The following MCMBP variants were observed in gnomAD, a reference collection of about 807,000 sequenced individuals.
MCMBP encodes the protein mini-chromosome maintenance complex-binding protein.
Under a neutral mutation model 81.3 loss-of-function variants are expected in MCMBP, and 31 were observed. That is an observed-to-expected ratio of 0.38 (90% CI 0.29 to 0.51). MCMBP has a LOEUF of 0.51. MCMBP is among the 20% of genes least tolerant of loss of function. The pLI, the probability that MCMBP is intolerant of heterozygous loss-of-function variation, is 0.87. For synonymous variants in MCMBP, 267 were observed against 275.9 expected (o/e 0.97, Z 0.32); for missense variants, 645 against 772.1 (o/e 0.84, Z 1.95).
intron 1 of MCMBP, among the ~76,000 whole-genome samples, chr10:119,861,805 A>G (rs192287613): frequency 5.2e-4 from 79 of 152,196 alleles, no homozygotes; most frequent in Non-Finnish European, 8.4e-4. Context: ...CAGTGGTGTG[A>G]TCCTGGCTCA....
chr10:119,850,368 T>C (rs578002308), intron 6 of MCMBP, among the ~76,000 whole-genome samples: 2 of 152,194 alleles, frequency 1.3e-5, no homozygotes, highest in Admixed American at 1.3e-4. Context: ...GTTAGGAGCA[T>C]AAAAGGGCAA....
At chr10:119,857,259 A>C in intron 5 of MCMBP, 79 bp downstream of exon 5, 1 of 1,032,980 alleles carries the variant, frequency 9.7e-7, no homozygotes, top group Non-Finnish European at 1.4e-6. Context: ...AATAAAGCCA[A>C]GCTTTGCAAA....
intron 1 of MCMBP, among the ~76,000 whole-genome samples, chr10:119,872,199 G>C (rs949912901): frequency 1.3e-5 from 2 of 152,132 alleles, no homozygotes; most frequent in African/African-American, 4.8e-5. Context: ...CTGCGCCCGG[G>C]GCCGGGGCCC....
chr10:119,843,941 C>A (rs778509812), intron 8 of MCMBP, among the ~76,000 whole-genome samples: 4 of 152,012 alleles, frequency 2.6e-5, no homozygotes, highest in Non-Finnish European at 5.9e-5. Context: ...GGATTACAGG[C>A]GTGAGCCACC....
chr10:119,846,549 T>C (rs1273698139), intron 8 of MCMBP, among the ~76,000 whole-genome samples: 3 of 152,152 alleles, frequency 2.0e-5, no homozygotes, highest in African/African-American at 7.2e-5. Flanking sequence ...AAGTGAGAAA[T>C]GTAACTTTAC....
chr10:119,851,648 G>C (rs1852828323), intron 6 of MCMBP, among the ~76,000 whole-genome samples: 1 of 152,120 alleles, frequency 6.6e-6, no homozygotes, highest in Admixed American at 6.5e-5. Flanking sequence ...GTCCAGGCTA[G>C]ATGATAGACC....
rs147210103 is a variant in MCMBP, at chr10:119,861,622, A to G, written c.59-1738T>C. 2.4e-3 allele frequency among the ~76,000 whole-genome samples: 362 copies of G among 152,318 alleles called. 1 individual carries two copies. The highest frequency in any genetic ancestry group is 7.9e-3 in the African/African-American group (329 of 41,582). On this transcript the variant is annotated intron_variant, in intron 1 of 15. Transcript: ENST00000369077. ...CACAGCCACGACTGCCACACCAACT[A>G]TTCTGCCTGCAATTGTGTAAAAGAC...
At chr10:119,832,283 G>C (rs1011421724) in intron 14 of MCMBP, among the ~76,000 whole-genome samples, 183 bp from the exon 15 acceptor site, 6 of 152,088 alleles carry the variant, frequency 3.9e-5, no homozygotes, top group Non-Finnish European at 8.8e-5. Flanking sequence ...ATGAAACTCA[G>C]ATTCATTTAA....
intron 8 of MCMBP, 60 bp from the exon 9 acceptor site, chr10:119,843,486 A>G: frequency 6.6e-7 from 1 of 1,519,224 alleles, no homozygotes; most frequent in Non-Finnish European, 9.0e-7. Context: ...ATGCAAAAAT[A>G]ATGTGCATCT....
intron 6 of MCMBP, 42 bp downstream of exon 6, chr10:119,853,007 GT>G (rs1564880557): frequency 6.2e-7 from 1 of 1,608,750 alleles, no homozygotes; most frequent in Non-Finnish European, 8.5e-7. Context: ...CCAATCTACT[GT>G]AAGAGAGCAA....
At chr10:119,831,974 G>A (rs977118037) in intron 15 of MCMBP, 38 bp downstream of exon 15, 3 of 1,563,480 alleles carry the variant, frequency 1.9e-6, no homozygotes, top group Admixed American at 1.9e-5. Flanking sequence ...ATATACACAA[G>A]CTTACCGAAA....
chr10:119,853,408 C>T (rs890661383), intron 5 of MCMBP, among the ~76,000 whole-genome samples: 1 of 152,142 alleles, frequency 6.6e-6, no homozygotes, highest in Non-Finnish European at 1.5e-5. Flanking sequence ...TGTAACTGGA[C>T]AAAATATGTG....
chr10:119,838,775 C>T, intron 11 of MCMBP, 75 bp from the exon 12 acceptor site: 2 of 1,295,676 alleles, frequency 1.5e-6, no homozygotes, highest in Admixed American at 4.4e-5. Context: ...TGGAATTAAA[C>T]ATTGTGTTTC....
At chr10:119,860,600 G>A (rs528334865) in intron 1 of MCMBP, among the ~76,000 whole-genome samples, 4 of 151,910 alleles carry the variant, frequency 2.6e-5, no homozygotes, top group South Asian at 2.1e-4. Flanking sequence ...ACTTTTTTCC[G>A]TTCAGTTACA....
chr10:119,866,551 G>A (rs1309024870), intron 1 of MCMBP, among the ~76,000 whole-genome samples: 4 of 152,036 alleles, frequency 2.6e-5, no homozygotes, highest in South Asian at 2.1e-4. Flanking sequence ...GCTTGAACCC[G>A]GTAAGCAGAG....
intron 1 of MCMBP, among the ~76,000 whole-genome samples, chr10:119,868,055 GT>G (rs1853534703): frequency 6.6e-6 from 1 of 152,298 alleles, no homozygotes; most frequent in South Asian, 2.1e-4. Flanking sequence ...AGCTAGTCTA[GT>G]TCTGTTAGAT....
intron 15 of MCMBP, 146 bp from the exon 16 acceptor site, chr10:119,831,746 AGTT>A: frequency 1.0e-6 from 1 of 995,566 alleles, no homozygotes; most frequent in Non-Finnish European, 1.4e-6. Context: ...TCAACAGCCA[AGTT>A]AGGCTTCTAA....
chr10:119,853,249 T>C (rs1201162143), intron 5 of MCMBP, 55 bp from the exon 6 acceptor site: 37 of 1,542,922 alleles, frequency 2.4e-5, no homozygotes, highest in Non-Finnish European at 3.3e-5. Context: ...TCCTAAAGTT[T>C]TGCTAATTAT....
chr10:119,829,579 G>A lies in MCMBP; in HGVS notation c.*1895C>T, dbSNP rs1246719778. 2 of 152,288 alleles carry A rather than the reference G, an allele frequency of 1.3e-5. No homozygotes were observed. The highest frequency in any genetic ancestry group is 3.4e-3 in the Middle Eastern group (1 of 296). The allele number at this position is 152,288 out of a possible 1,614,324, so 9.4% of individuals were successfully genotyped here. On this transcript the variant is annotated 3_prime_UTR_variant, in exon 16 of 16. Coordinates refer to ENST00000369077, the MANE Select transcript of MCMBP (RefSeq NM_001256378.2). ...TAGAGCAACAAACTTGACTGTCCGT[G>A]TATATATAGGTGAGGGACAAAGGGT...
Sources: gnomAD v4.1 joint callset for allele counts (sites outside exome capture counted in the v4.1 genomes callset) on GRCh38, gnomAD v4.1.1 for gene constraint, MANE v1.5 for transcripts, NCBI Gene and HGNC (gene_info 2026-07-23, HGNC 2026-07-21) for gene names.